The following FAP variants were observed in gnomAD, a reference collection of about 807,000 sequenced individuals.
FAP encodes the protein prolyl endopeptidase FAP.
FAP carries 110 observed loss-of-function variants against 126.5 expected under a neutral mutation model. That is an observed-to-expected ratio of 0.87 (90% CI 0.74 to 1.02). FAP has a LOEUF of 1.02. Ranked by LOEUF, FAP falls within the 50% of genes least tolerant of loss-of-function variation. The pLI, the probability that FAP is intolerant of heterozygous loss-of-function variation, is 0.00. For missense variants in FAP, 919 were observed against 909.2 expected (o/e 1.01, Z -0.14); for synonymous variants, 334 against 297.3 (o/e 1.12, Z -1.27).
chr2:162,178,959 C>T (rs1236281340), intron 21 of FAP, among the ~76,000 whole-genome samples: 6 of 152,126 alleles, frequency 3.9e-5, no homozygotes, highest in Admixed American at 1.3e-4. Context: ...TGACCTCTTC[C>T]AACTGCTACT....
intron 10 of FAP, 86 bp from the exon 11 acceptor site, chr2:162,214,159 A>G (rs1559783235): frequency 7.9e-7 from 1 of 1,267,926 alleles, no homozygotes; most frequent in Non-Finnish European, 1.1e-6. Context: ...TCTAAAGGAT[A>G]TATGTCATTA....
intron 6 of FAP, chr2:162,221,668 C>A (rs1305054004): frequency 2.2e-6 from 1 of 456,642 alleles, no homozygotes; most frequent in African/African-American, 2.0e-5. Flanking sequence ...CAGCACTAAG[C>A]TAAAAATCTC....
intron 2 of FAP, among the ~76,000 whole-genome samples, chr2:162,232,786 A>G (rs1689950615): frequency 6.6e-6 from 1 of 152,146 alleles, no homozygotes; most frequent in African/African-American, 2.4e-5. Flanking sequence ...ATTTTTCTGG[A>G]TAACTAAGGC....
intron 25 of FAP, 72 bp downstream of exon 25, chr2:162,172,739 A>C: frequency 1.0e-6 from 1 of 997,286 alleles, no homozygotes. Context: ...GTTAAAAAAA[A>C]TAAAAATATG....
At chr2:162,198,501 T>A (rs1196738781) in intron 16 of FAP, 3 of 686,262 alleles carry the variant, frequency 4.4e-6, no homozygotes, top group Admixed American at 6.5e-5. Flanking sequence ...GCTTCAGTCC[T>A]GGCTGATGCT....
chr2:162,210,994 G>A lies in FAP; in HGVS notation c.1003-998C>T, dbSNP rs574620497. On this transcript the variant is annotated intron_variant, in intron 11 of 25. Transcript: ENST00000188790. ...AAGTACAGAGTTGAGACAGACAGCA[G>A]GATAATCAGCAGACCATTTCCTCTT... Among the ~76,000 whole-genome samples the A allele has an allele frequency of 3.9e-5, 6 of 152,280 alleles. No homozygotes were observed. In the South Asian group the frequency reaches 6.2e-4, roughly 16 times the overall value.
intron 9 of FAP, among the ~76,000 whole-genome samples, chr2:162,216,350 T>C (rs1689160335): frequency 6.6e-6 from 1 of 152,234 alleles, no homozygotes; most frequent in African/African-American, 2.4e-5. Flanking sequence ...TTGGGATAAT[T>C]ATAATAATCT....
intron 25 of FAP, chr2:162,171,694 A>G (rs1315813651): frequency 6.6e-6 from 1 of 152,114 alleles, no homozygotes; most frequent in Admixed American, 6.6e-5. Flanking sequence ...TCACGATGTA[A>G]TAATATATAT....
chr2:162,230,543 A>G (rs1418083108), intron 2 of FAP, among the ~76,000 whole-genome samples: 1 of 152,008 alleles, frequency 6.6e-6, no homozygotes, highest in Non-Finnish European at 1.5e-5. Context: ...AAAAAAAACC[A>G]ACTTGACAGA....
chr2:162,179,790 C>CAATCTA lies in FAP; in HGVS notation c.1869+3623_1869+3624insTAGATT, dbSNP rs1553684066. 3.6e-4 allele frequency among the ~76,000 whole-genome samples: 42 copies of CAATCTA among 115,514 alleles called. 1 individual carries two copies. Among genetic ancestry groups the CAATCTA allele is most frequent in the Admixed American group, 2.6e-3 (25 of 9,706 alleles). 75.8% of individuals were successfully genotyped at this position (115,514 alleles called of 152,430 possible). ...TCTATCTATCTATCTATCTATCTAT[C>CAATCTA]TATATATATATATATATATATATTT... On this transcript the variant is annotated intron_variant, in intron 21 of 25. Transcript: ENST00000188790.
chr2:162,181,552 C>T (rs893219478), intron 21 of FAP, among the ~76,000 whole-genome samples: 11 of 152,148 alleles, frequency 7.2e-5, no homozygotes, highest in African/African-American at 2.4e-4. Context: ...TGGAATGCTC[C>T]GTTCCTCAGC....
chr2:162,189,677 T>C lies in FAP; in HGVS notation c.1528A>G (p.Lys510Glu). Reference sequence around the variant, plus strand: ...TTACTAATTTCATCTACTTCAAGTTTCTTAATTTCCTCTTTAGGCAGCTGG... The same window carrying C: ...TTACTAATTTCATCTACTTCAAGTTCCTTAATTTCCTCTTTAGGCAGCTGG... ...NIQLPKEEIK[K>E]LEVDEITLWY... Residue 510 changes from lysine (K) to glutamate (E), a missense_variant, in exon 18 of 26, where the codon AAA becomes GAA. Lys to Glu is a moderately conservative substitution (Grantham distance 56). Transcript: ENST00000188790. 1 of 1,576,668 alleles carries C rather than the reference T, an allele frequency of 6.3e-7. No homozygotes were observed.
intron 20 of FAP, among the ~76,000 whole-genome samples, chr2:162,185,667 T>C (rs1348660904): frequency 6.6e-6 from 1 of 152,172 alleles, no homozygotes; most frequent in South Asian, 2.1e-4. Context: ...TTTACTGTTG[T>C]TTCCAAATAT....
intron 2 of FAP, 83 bp from the exon 3 acceptor site, chr2:162,226,704 T>C: frequency 1.4e-6 from 1 of 727,382 alleles, no homozygotes; most frequent in Non-Finnish European, 2.4e-6. Flanking sequence ...TCATCTGTTC[T>C]TTCTTATATA....
intron 11 of FAP, among the ~76,000 whole-genome samples, chr2:162,213,600 T>C (rs1559782649): frequency 6.6e-6 from 1 of 152,104 alleles, no homozygotes; most frequent in East Asian, 1.9e-4. Context: ...TCATCTGCAT[T>C]ATTTTGCTTT....
intron 10 of FAP, among the ~76,000 whole-genome samples, chr2:162,214,486 C>T (rs1190375594): frequency 6.6e-6 from 1 of 151,788 alleles, no homozygotes; most frequent in Non-Finnish European, 1.5e-5. Context: ...ATCTTTGTCT[C>T]TCAGCAGATT....
chr2:162,221,303 G>A (rs1401939700), intron 6 of FAP, among the ~76,000 whole-genome samples: 1 of 152,108 alleles, frequency 6.6e-6, no homozygotes, highest in African/African-American at 2.4e-5. Context: ...ACTTTGGGCG[G>A]CGGATTTCTT....
intron 16 of FAP, chr2:162,197,782 T>C (rs1294381633): frequency 5.3e-6 from 2 of 377,516 alleles, no homozygotes; most frequent in African/African-American, 4.2e-5. Flanking sequence ...CATTTGTTCT[T>C]TAAGCCACAT....
At chr2:162,235,054 C>T (rs1026792843) in intron 2 of FAP, among the ~76,000 whole-genome samples, 12 of 152,264 alleles carry the variant, frequency 7.9e-5, no homozygotes, top group African/African-American at 2.9e-4. Context: ...CTCAGTTTCT[C>T]GCCAGGCTTT....
Sources: allele counts gnomAD v4.1 joint callset (sites outside exome capture counted in the v4.1 genomes callset), GRCh38; gene constraint gnomAD v4.1.1; transcripts MANE v1.5; gene names NCBI Gene and HGNC (gene_info 2026-07-23, HGNC 2026-07-21).